Variants in DACH1 observed in about 807,000 individuals in gnomAD.
The protein encoded by DACH1 is dachshund family transcription factor 1, also known as dachshund homolog 1.
DACH1 carries 12 observed loss-of-function variants against 54.2 expected under a neutral mutation model. The ratio of observed to expected loss-of-function variants is 0.22; its 90% CI spans 0.14 to 0.36. The LOEUF (loss-of-function observed/expected upper bound fraction) is 0.36. Among genes scored for constraint, DACH1 ranks in the 10% least tolerant of loss-of-function variants. DACH1 has a pLI of 1.00. For synonymous variants in DACH1, 386 were observed against 366.2 expected (o/e 1.05, Z -0.62); for missense variants, 805 against 929.8 (o/e 0.87, Z 1.75).
intron 1 of DACH1, among the ~76,000 whole-genome samples, chr13:71,694,629 G>A (rs1257149604): frequency 3.3e-5 from 5 of 152,128 alleles, no homozygotes; most frequent in East Asian, 3.8e-4. Flanking sequence ...GAAGTCATTG[G>A]CACCTGTCCT....
chr13:71,537,279 A>G (rs1882868109), intron 6 of DACH1, among the ~76,000 whole-genome samples: 1 of 152,080 alleles, frequency 6.6e-6, no homozygotes, highest in Non-Finnish European at 1.5e-5. Context: ...CGCAGTTCAA[A>G]TGTTGCCCAG....
intron 1 of DACH1, among the ~76,000 whole-genome samples, chr13:71,780,856 G>A (rs894172178): frequency 2.0e-5 from 3 of 151,968 alleles, no homozygotes; most frequent in Admixed American, 2.0e-4. Context: ...AGAATAGGCC[G>A]GTCTCAGTGG....
At chr13:71,818,466 G>T (rs553056517) in intron 1 of DACH1, among the ~76,000 whole-genome samples, 1 of 152,266 alleles carries the variant, frequency 6.6e-6, no homozygotes, top group South Asian at 2.1e-4. Flanking sequence ...GGCCATGCAA[G>T]CCCTGAAAGT....
chr13:71,771,549 G>T (rs547826681), intron 1 of DACH1, among the ~76,000 whole-genome samples: 1 of 151,368 alleles, frequency 6.6e-6, no homozygotes, highest in African/African-American at 2.4e-5. Context: ...TCTAGAAAGG[G>T]CAAGTATCCC....
At chr13:71,854,570 G>A (rs1426466880) in intron 1 of DACH1, among the ~76,000 whole-genome samples, 1 of 152,054 alleles carries the variant, frequency 6.6e-6, no homozygotes, top group Non-Finnish European at 1.5e-5. Flanking sequence ...TTATTGGAAA[G>A]AGAGCTAGAA....
chr13:71,865,033 C>G (rs182828284), intron 1 of DACH1, among the ~76,000 whole-genome samples: 15 of 152,112 alleles, frequency 9.9e-5, no homozygotes, highest in African/African-American at 2.4e-5. Flanking sequence ...GAGCGCGCTC[C>G]GTGGCTTTCC....
At chr13:71,549,012 C>A (rs1394489079) in intron 6 of DACH1, among the ~76,000 whole-genome samples, 2 of 152,012 alleles carry the variant, frequency 1.3e-5, no homozygotes, top group South Asian at 2.1e-4. Flanking sequence ...TAACCTTCCT[C>A]TGTAGATCAC....
intron 2 of DACH1, among the ~76,000 whole-genome samples, chr13:71,679,097 TA>T (rs1187225807): frequency 3.9e-5 from 6 of 152,120 alleles, no homozygotes; most frequent in Non-Finnish European, 7.4e-5. Flanking sequence ...GTTCAAAACA[TA>T]TAGGAAAGAA....
intron 1 of DACH1, among the ~76,000 whole-genome samples, chr13:71,788,971 C>T (rs1190920180): frequency 5.9e-5 from 9 of 152,006 alleles, no homozygotes; most frequent in African/African-American, 1.9e-4. Context: ...AAATATGATA[C>T]CAAGTTCTGT....
chr13:71,673,511 A>C (rs1046629655), intron 2 of DACH1, among the ~76,000 whole-genome samples: 1 of 152,226 alleles, frequency 6.6e-6, no homozygotes, highest in African/African-American at 2.4e-5. Context: ...ATATAGTACA[A>C]ATGTAGTTAT....
rs576736249 is a variant in DACH1 at position 71,636,817 on chromosome 13, T to A, written c.965-6100A>T. 3.4e-4 allele frequency among the ~76,000 whole-genome samples: 52 copies of A among 152,170 alleles called. 1 individual carries two copies. In the South Asian group the frequency reaches 4.4e-3, roughly 13 times the overall value. ...CTTGACAAACTATCACTTGCAAATT[T>A]AAAAGAATGAGCAAATTTTTACACA... On this transcript the variant is annotated intron_variant, in intron 2 of 10. Coordinates refer to ENST00000613252, the MANE Select transcript of DACH1 (RefSeq NM_080759.6).
intron 1 of DACH1, among the ~76,000 whole-genome samples, chr13:71,851,281 A>T (rs899633313): frequency 3.9e-5 from 6 of 152,202 alleles, no homozygotes; most frequent in Admixed American, 2.0e-4. Flanking sequence ...TTATTATTTT[A>T]ATAATTACCT....
In DACH1 at chr13:71,633,862, T is replaced by C. The variant is rs560703814; in HGVS notation, c.965-3145A>G. Among the ~76,000 whole-genome samples the C allele has an allele frequency of 2.7e-4, 41 of 152,226 alleles. No homozygotes were observed. The South Asian group carries it at 7.1e-3, about 26-fold the overall frequency. ...CCAGTACAAGTTCCCATCTTTTCTTTCTTAGAGTCCTGCTCAATATAATAG... is the reference window on the plus strand; with the variant it reads ...CCAGTACAAGTTCCCATCTTTTCTTCCTTAGAGTCCTGCTCAATATAATAG... On this transcript the variant is annotated intron_variant, in intron 2 of 10. Coordinates refer to ENST00000613252, the MANE Select transcript of DACH1 (RefSeq NM_080759.6).
chr13:71,701,027 T>C lies in DACH1; in HGVS notation c.849-19117A>G, dbSNP rs552034011. 1.8e-4 allele frequency among the ~76,000 whole-genome samples: 28 copies of C among 152,308 alleles called. No individual in the cohort carries two copies. The South Asian group carries it at 5.8e-3, about 32-fold the overall frequency. On this transcript the variant is annotated intron_variant, in intron 1 of 10. Coordinates refer to ENST00000613252, the MANE Select transcript of DACH1 (RefSeq NM_080759.6). ...CTTGACTTTTTTAAAATTTAAAATCTGACTTGCTAATAAAATTTTATCAAT... is the reference window on the plus strand; with the variant it reads ...CTTGACTTTTTTAAAATTTAAAATCCGACTTGCTAATAAAATTTTATCAAT...
At chr13:71,748,878 CTTTCTTTCTTT>C (rs1884751581) in intron 1 of DACH1, among the ~76,000 whole-genome samples, 1 of 19,540 alleles carries the variant, frequency 5.1e-5, no homozygotes, top group Admixed American at 8.8e-4. Flanking sequence ...TTCTTTCTTT[CTTTCTTTCTTT>C]CTTTCTTTCT....
At chr13:71,579,307 T>C (rs1885720624) in intron 3 of DACH1, among the ~76,000 whole-genome samples, 2 of 152,154 alleles carry the variant, frequency 1.3e-5, no homozygotes, top group African/African-American at 4.8e-5. Context: ...TACTCCACAA[T>C]GGTGCTGAAA....
intron 1 of DACH1, among the ~76,000 whole-genome samples, chr13:71,754,353 C>T (rs1245912180): frequency 6.6e-6 from 1 of 152,126 alleles, no homozygotes; most frequent in Non-Finnish European, 1.5e-5. Flanking sequence ...AATAATTTAC[C>T]TTTCCTTGCC....
At chr13:71,764,074 A>C (rs1885517362) in intron 1 of DACH1, among the ~76,000 whole-genome samples, 1 of 152,206 alleles carries the variant, frequency 6.6e-6, no homozygotes, top group Admixed American at 6.5e-5. Flanking sequence ...TGATATAAGA[A>C]AGAATATCAT....
intron 1 of DACH1, among the ~76,000 whole-genome samples, chr13:71,703,365 C>A (rs1182728906): frequency 6.6e-6 from 1 of 152,086 alleles, no homozygotes; most frequent in East Asian, 1.9e-4. Flanking sequence ...TGACATGGAC[C>A]AACATAGATC....
Sources: allele counts gnomAD v4.1 joint callset (sites outside exome capture counted in the v4.1 genomes callset), GRCh38; gene constraint gnomAD v4.1.1; transcripts MANE v1.5; gene names NCBI Gene and HGNC (gene_info 2026-07-23, HGNC 2026-07-21).